The following KLK9 variants were observed in gnomAD, a reference collection of about 807,000 sequenced individuals.
The protein encoded by KLK9 is kallikrein-9.
In KLK9, 26 loss-of-function variants were observed where a neutral mutation model predicts 23.3. The observed-to-expected ratio is 1.12, with a 90% confidence interval of 0.82 to 1.55. KLK9 has a LOEUF of 1.55. Among genes scored for constraint, KLK9 ranks in the 40% most tolerant of loss-of-function variants. The pLI is 0.00. For missense variants in KLK9, 346 were observed against 333.7 expected, an observed-to-expected ratio of 1.04 and a Z score of -0.29; for synonymous variants, 122 against 128.5, an observed-to-expected ratio of 0.95 and a Z score of 0.34.
Position 51,003,031 on chromosome 19 carries a change from G to T in KLK9, c.*80C>A, listed in dbSNP as rs1358372874. 1.8e-5 allele frequency: 27 copies of T among 1,500,528 alleles called. 1 individual carries two copies. In the East Asian group the frequency reaches 6.0e-4, roughly 33 times the overall value. The allele number at this position is 1,500,528 out of a possible 1,614,324, so 93.0% of individuals were successfully genotyped here. A position where few individuals can be genotyped will look rare whatever the true frequency, so the allele number is the denominator to read the frequency against. ...GAGGTCCAGGGCGGGAACCATTGAGGCTGGGACCCTACGAGAACCCCCTAC... is the reference window on the plus strand; with the variant it reads ...GAGGTCCAGGGCGGGAACCATTGAGTCTGGGACCCTACGAGAACCCCCTAC... On this transcript the variant is annotated 3_prime_UTR_variant, in exon 5 of 5. Transcript: ENST00000594211.
Position 51,002,985 on chromosome 19 carries a change from A to C in KLK9, c.*126T>G. 1 of 1,184,120 alleles carries C rather than the reference A, an allele frequency of 8.4e-7. No homozygotes were observed. Among genetic ancestry groups the C allele is most frequent in the Non-Finnish European group, 1.2e-6 (1 of 853,052 alleles). 73.4% of individuals were successfully genotyped at this position (1,184,120 alleles called of 1,614,324 possible). A position where few individuals can be genotyped will look rare whatever the true frequency, so the allele number is the denominator to read the frequency against. On this transcript the variant is annotated 3_prime_UTR_variant, in exon 5 of 5. Transcript: ENST00000594211. ...CCTCAGGGGCGGAGTCTTAGTGTCC[A>C]GAGGGGAGTCAGGGCAGCTGGAGGT...
Position 51,006,438 on chromosome 19 carries a change from A to G in KLK9, c.466+20T>C, listed in dbSNP as rs757116882. On this transcript the variant is annotated intron_variant, in intron 3 of 4. Coordinates refer to ENST00000594211, the MANE Select transcript of KLK9 (RefSeq NM_012315.2). This position sits in a 1 kb window ranked among gnomAD's most constrained non-coding sequence, Gnocchi z 4.1. ...GGGTGAGGGAGCAAGTTTCAGAGAG[A>G]GTTCTGGGCCAGGTCATACCCTTGG... 34 of 1,576,222 alleles carry G rather than the reference A, an allele frequency of 2.2e-5. 1 individual carries two copies. Among genetic ancestry groups the G allele is most frequent in the Non-Finnish European group, 2.8e-5 (33 of 1,158,774 alleles).
intron 3 of KLK9, among the ~76,000 whole-genome samples, chr19:51,005,862 A>G (rs941336219): frequency 6.6e-6 from 1 of 151,538 alleles, no homozygotes; most frequent in Non-Finnish European, 1.5e-5. Context: ...GCAGATCACC[A>G]GGTCAGGAAT....
chr19:51,004,338 CAAAAAAAAAAAAAAAAAAAA>C (rs71333922), intron 3 of KLK9, among the ~76,000 whole-genome samples: 624 of 32,548 alleles, frequency 0.019, 9 homozygotes, highest in African/African-American at 0.063. Context: ...GACTCCGTCT[CAAAAAAAAAAAAAAAAAAAA>C]AAAAAAAAAA....
Position 51,003,181 on chromosome 19 carries a change from G to C in KLK9, c.683C>G (p.Pro228Arg). Residue 228 changes from proline (P) to arginine (R), a missense_variant, in exon 5 of 5, where the codon CCC becomes CGC. Coordinates refer to ENST00000594211, the MANE Select transcript of KLK9 (RefSeq NM_012315.2). Reference protein sequence around the residue: ...VSGGAEPCSRPRRPAVYTSVC... With the variant: ...VSGGAEPCSRRRRPAVYTSVC... ...GCTGGTGTAGACTGCGGGGCGCCGGGGTCTGGAGCAGGGCTCAGCACCCCC... is the reference window on the plus strand; with the variant it reads ...GCTGGTGTAGACTGCGGGGCGCCGGCGTCTGGAGCAGGGCTCAGCACCCCC... 1 of 1,611,492 alleles carries C rather than the reference G, an allele frequency of 6.2e-7. No homozygotes were observed. The highest frequency in any genetic ancestry group is 1.3e-5 in the African/African-American group (1 of 74,782).
intron 2 of KLK9, among the ~76,000 whole-genome samples, chr19:51,008,863 G>A (rs761558461): frequency 6.6e-6 from 1 of 152,148 alleles, no homozygotes; most frequent in Non-Finnish European, 1.5e-5. Context: ...GATTCTAATA[G>A]TCTGCGAATC....
Position 51,002,927 on chromosome 19 carries a change from C to A in KLK9, c.*184G>T, listed in dbSNP as rs1387204008. ...CCTGCTCCGTTCCGAGGGGGCGCGA[C>A]TGTGTCTTGCTTGACCTCGTGAGGG... On this transcript the variant is annotated 3_prime_UTR_variant, in exon 5 of 5. Coordinates refer to ENST00000594211, the MANE Select transcript of KLK9 (RefSeq NM_012315.2). The A allele has an allele frequency of 5.8e-6, 4 of 692,114 alleles. No individual in the cohort carries two copies. Among genetic ancestry groups the A allele is most frequent in the African/African-American group, 5.4e-5 (3 of 55,652 alleles). 42.9% of individuals were successfully genotyped at this position (692,114 alleles called of 1,614,324 possible). A position where few individuals can be genotyped will look rare whatever the true frequency, so the allele number is the denominator to read the frequency against.
intron 3 of KLK9, among the ~76,000 whole-genome samples, chr19:51,004,797 G>A (rs1470688732): frequency 6.6e-6 from 1 of 152,076 alleles, no homozygotes. Context: ...CAGGAAGATG[G>A]TCACTGATGG....
rs201942780 is a variant in KLK9 at position 51,003,149 on chromosome 19, G to C, written c.715C>G (p.His239Asp). The C allele has an allele frequency of 6.2e-7, 1 of 1,612,554 alleles. No homozygotes were observed. Among genetic ancestry groups the C allele is most frequent in the Non-Finnish European group, 8.5e-7 (1 of 1,179,660 alleles). ...RRPAVYTSVC[H>D]YLDWIQEIME... Reference sequence around the variant, plus strand: ...ATTTCTTGGATCCAGTCAAGGTAGTGGCATACGCTGGTGTAGACTGCGGGG... The same window carrying C: ...ATTTCTTGGATCCAGTCAAGGTAGTCGCATACGCTGGTGTAGACTGCGGGG... The change falls in exon 5 of 5, where the codon CAC becomes GAC. Residue 239 changes from histidine (H) to aspartate (D), a missense_variant. Coordinates refer to ENST00000594211, the MANE Select transcript of KLK9 (RefSeq NM_012315.2).
Position 51,006,199 on chromosome 19 carries a change from CA to C in KLK9, c.466+258del, listed in dbSNP as rs1310593100. On this transcript the variant is annotated intron_variant, in intron 3 of 4. Transcript: ENST00000594211. The surrounding 1 kb of genome is among the most constrained non-coding windows in gnomAD (Gnocchi z 4.1). ...CTTCCAGAAAATGGTGTTATATAAT[CA>C]ATGGGATCTAATGGGATCTTTCCTC... Among the ~76,000 whole-genome samples, 1 of 151,820 alleles carries C rather than the reference CA, an allele frequency of 6.6e-6. No homozygotes were observed. The highest frequency in any genetic ancestry group is 2.4e-5 in the African/African-American group (1 of 41,386).
rs918108319 is a variant in KLK9 at position 51,006,957 on chromosome 19, C to G, written c.201-234G>C. Among the ~76,000 whole-genome samples, 1 of 151,884 alleles carries G rather than the reference C, an allele frequency of 6.6e-6. No individual in the cohort carries two copies. Among genetic ancestry groups the G allele is most frequent in the Non-Finnish European group, 1.5e-5 (1 of 67,910 alleles). ...TTTGTGTGTCTCCATCTTTGTAGCT[C>G]TCCCCACAAAGCCCCCGCTCCTAGT... is the stretch of plus-strand genomic sequence containing the variant. On this transcript the variant is annotated intron_variant, in intron 2 of 4. Transcript: ENST00000594211. This position sits in a 1 kb window ranked among gnomAD's most constrained non-coding sequence, Gnocchi z 4.1.
At position 51,006,861 on chromosome 19, in the gene KLK9, T is replaced by A; in HGVS notation, c.201-138A>T. 1.1e-6 allele frequency: 1 copy of A among 951,492 alleles called. No homozygotes were observed. Among genetic ancestry groups the A allele is most frequent in the Non-Finnish European group, 1.5e-6 (1 of 658,894 alleles). The allele number at this position is 951,492 out of a possible 1,614,324, so 58.9% of individuals were successfully genotyped here. On this transcript the variant is annotated intron_variant, in intron 2 of 4. Coordinates refer to ENST00000594211, the MANE Select transcript of KLK9 (RefSeq NM_012315.2). The surrounding 1 kb of genome is among the most constrained non-coding windows in gnomAD (Gnocchi z 4.1). ...CCTCTCTGCACCCTCATCATCTATG[T>A]CTGGCCCAGGGTACTGTGATTTTAA...
Position 51,006,339 on chromosome 19 carries a change from G to T in KLK9, c.466+119C>A. The T allele has an allele frequency of 1.0e-6, 1 of 991,220 alleles. No homozygotes were observed. The highest frequency in any genetic ancestry group is 1.4e-6 in the Non-Finnish European group (1 of 693,702). 61.4% of individuals were successfully genotyped at this position (991,220 alleles called of 1,614,324 possible). On this transcript the variant is annotated intron_variant, in intron 3 of 4. Transcript: ENST00000594211. The surrounding 1 kb of genome is among the most constrained non-coding windows in gnomAD (Gnocchi z 4.1). ...TATATTTGGTTAAATATATCGATTG[G>T]CAGATAGATAGACTGACAGAGAGAG...
chr19:51,003,095 C>T lies in KLK9; in HGVS notation c.*16G>A, dbSNP rs200979706. 1,358 of 1,599,598 alleles carry T rather than the reference C, an allele frequency of 8.5e-4. 7 individuals carry two copies. In the Middle Eastern group the frequency reaches 0.01, roughly 12 times the overall value. ...GCCTCTCTTGGTCTTCCAAGGTGCC[C>T]CCGTGGCGCGCGGGCTCAGTTCTCC... On this transcript the variant is annotated 3_prime_UTR_variant, in exon 5 of 5. Transcript: ENST00000594211.
Position 51,002,918 on chromosome 19 carries a change from G to A in KLK9, c.*193C>T. The A allele has an allele frequency of 3.1e-6, 2 of 639,126 alleles. 1 individual carries two copies. Among genetic ancestry groups the A allele is most frequent in the South Asian group, 4.9e-5 (2 of 40,886 alleles). 39.6% of individuals were successfully genotyped at this position (639,126 alleles called of 1,614,324 possible). ...GGGCGTGTCCCTGCTCCGTTCCGAGGGGGCGCGACTGTGTCTTGCTTGACC... is the reference window on the plus strand; with the variant it reads ...GGGCGTGTCCCTGCTCCGTTCCGAGAGGGCGCGACTGTGTCTTGCTTGACC... On this transcript the variant is annotated 3_prime_UTR_variant, in exon 5 of 5. Transcript: ENST00000594211.
rs200242183 is a variant in KLK9, at chr19:51,006,645, G to T, written c.279C>A (p.Phe93Leu). 6.8e-5 allele frequency: 110 copies of T among 1,613,148 alleles called. 1 individual carries two copies. The highest frequency in any genetic ancestry group is 1.0e-4 in the Admixed American group (6 of 59,978). Reference sequence around the variant, plus strand: ...CCTTGTTGAAGCCAGGGTGGGGGAAGAAGTCCGTAACCCGGAACAGCTGCT... The same window carrying T: ...CCTTGTTGAAGCCAGGGTGGGGGAATAAGTCCGTAACCCGGAACAGCTGCT... ...GPEQLFRVTD[F>L]FPHPGFNKDL... Residue 93 changes from phenylalanine to leucine, a missense_variant, in exon 3 of 5, where the codon TTC (phenylalanine) becomes TTA (leucine). By Grantham distance (22) the Phe-to-Leu change is conservative (BLOSUM62 0). Transcript: ENST00000594211. The surrounding 1 kb of genome is among the most constrained non-coding windows in gnomAD (Gnocchi z 4.1).
chr19:51,008,481 CA>C (rs768134238), intron 2 of KLK9, among the ~76,000 whole-genome samples: 5 of 151,756 alleles, frequency 3.3e-5, no homozygotes, highest in Non-Finnish European at 5.9e-5. Context: ...TACTGTGAAT[CA>C]AAGATTCTAG....
chr19:51,003,672 A>G (rs2122354601), intron 4 of KLK9, 32 bp downstream of exon 4: 3 of 1,589,368 alleles, frequency 1.9e-6, no homozygotes, highest in East Asian at 2.2e-5. Flanking sequence ...ACTTGGCAGG[A>G]CAGCCTCATT....
chr19:51,004,786 G>A (rs180774199), intron 3 of KLK9, among the ~76,000 whole-genome samples: 24 of 152,120 alleles, frequency 1.6e-4, no homozygotes, highest in African/African-American at 5.3e-4. Flanking sequence ...AAAGAGATTT[G>A]CAGGAAGATG....
Sources: allele counts gnomAD v4.1 joint callset (sites outside exome capture counted in the v4.1 genomes callset), GRCh38; gene constraint gnomAD v4.1.1; non-coding constraint Gnocchi (gnomAD v3.1); transcripts MANE v1.5; gene names NCBI Gene and HGNC (gene_info 2026-07-23, HGNC 2026-07-21).